LPA: variants seen among roughly 807,000 people sequenced by gnomAD.
LPA encodes apolipoprotein(a).
In LPA, 199 loss-of-function variants were observed where a neutral mutation model predicts 197.9. The ratio of observed to expected loss-of-function variants is 1.01; its 90% confidence interval spans 0.90 to 1.13. The LOEUF is 1.13. Among genes scored for constraint, LPA ranks in the 50% most tolerant of loss-of-function variants. The pLI is 0.00. For synonymous variants in LPA, 715 were observed against 639.5 expected, an observed-to-expected ratio of 1.12 and a Z score of -1.78; for missense variants, 1,853 against 1,785.8, an observed-to-expected ratio of 1.04 and a Z score of -0.68.
Position 160,540,068 on chromosome 6 carries a change from C to G in LPA, c.5710G>C (p.Asp1904His). ...CTGCTTAGCTTTAGCAAGGCAATAT[C>G]TGCTTGTGTGGGCTCCAAGAACAGC... ...SRLFLEPTQADIALLKLSRPA... is the reference protein window; with the variant it reads ...SRLFLEPTQAHIALLKLSRPA... Residue 1904 changes from aspartate (D) to histidine (H), a missense_variant, in exon 36 of 39, where the codon GAT (aspartate) becomes CAT (histidine). Asp to His is a moderately conservative substitution (Grantham distance 81). Transcript: ENST00000316300. The G allele has an allele frequency of 6.2e-7, 1 of 1,614,128 alleles. No homozygotes were observed. The highest frequency in any genetic ancestry group is 8.5e-7 in the Non-Finnish European group (1 of 1,180,018).
rs116384640 is a variant in LPA, at chr6:160,565,645, C to G, written c.4632-8074G>C. On this transcript the variant is annotated intron_variant, in intron 28 of 38. Coordinates refer to ENST00000316300, the MANE Select transcript of LPA (RefSeq NM_005577.4). ...TCCTCCGAAGGAACGCAGCTCCTCA[C>G]GAGCAACAGAACAAAGCTGGACAGA... Among the ~76,000 whole-genome samples the G allele has an allele frequency of 2.6e-5, 4 of 152,162 alleles. No individual in the cohort carries two copies. The South Asian group carries it at 6.2e-4, about 24-fold the overall frequency.
rs974170315 is a variant in LPA at position 160,547,018 on chromosome 6, G to A, written c.5304+771C>T. 1.5e-4 allele frequency among the ~76,000 whole-genome samples: 23 copies of A among 152,112 alleles called. 1 individual carries two copies. The highest frequency in any genetic ancestry group is 4.6e-4 in the African/African-American group (19 of 41,412). ...GCAGTGTGGTTCCCCAACTTTTTTG[G>A]CACCAGAGACCAGTTTCATAAAAGG... On this transcript the variant is annotated intron_variant, in intron 32 of 38. Transcript: ENST00000316300.
intron 32 of LPA, among the ~76,000 whole-genome samples, 156 bp from the exon 33 acceptor site, chr6:160,545,689 C>A (rs1778057756): frequency 6.6e-6 from 1 of 152,108 alleles, no homozygotes; most frequent in South Asian, 2.1e-4. Context: ...AAAGTTATTT[C>A]TTTCTATGCT....
chr6:160,611,141 C>T (rs1202849474), intron 16 of LPA, among the ~76,000 whole-genome samples: 2 of 152,060 alleles, frequency 1.3e-5, no homozygotes, highest in Non-Finnish European at 2.9e-5. Context: ...TTCACCTGTC[C>T]ATAAGTAAGC....
chr6:160,570,885 T>C (rs1778550440), intron 28 of LPA, among the ~76,000 whole-genome samples: 1 of 152,204 alleles, frequency 6.6e-6, no homozygotes, highest in African/African-American at 2.4e-5. Flanking sequence ...AATGTGGTAT[T>C]CTCTGTATTT....
intron 2 of LPA, among the ~76,000 whole-genome samples, chr6:160,649,555 G>T (rs539755613): frequency 1.3e-5 from 2 of 152,192 alleles, no homozygotes; most frequent in East Asian, 3.9e-4. Context: ...TCCATCTCCT[G>T]CCCTTCAGTG....
intron 2 of LPA, among the ~76,000 whole-genome samples, 164 bp downstream of exon 2, chr6:160,650,171 TTTC>T (rs1268904401): frequency 5.0e-4 from 76 of 152,208 alleles, no homozygotes; most frequent in Admixed American, 4.3e-3. Context: ...CAGCTTAACA[TTTC>T]TCTTCTATCA....
intron 20 of LPA, among the ~76,000 whole-genome samples, chr6:160,595,973 AT>A (rs1175226843): frequency 1.3e-5 from 2 of 152,158 alleles, no homozygotes; most frequent in East Asian, 3.9e-4. Flanking sequence ...TGTCTTGTAG[AT>A]TGTTTTATGC....
intron 19 of LPA, among the ~76,000 whole-genome samples, chr6:160,600,655 GC>G (rs1383394743): frequency 6.6e-6 from 1 of 152,180 alleles, no homozygotes; most frequent in Non-Finnish European, 1.5e-5. Context: ...CAATGAGATA[GC>G]CCCTTTTACA....
chr6:160,566,941 T>C (rs1017869168), intron 28 of LPA, among the ~76,000 whole-genome samples: 8 of 152,162 alleles, frequency 5.3e-5, no homozygotes, highest in Non-Finnish European at 1.2e-4. Context: ...CAAGAAGAGC[T>C]AACTATCCTA....
chr6:160,568,319 C>A (rs905980560), intron 28 of LPA, among the ~76,000 whole-genome samples: 10 of 151,790 alleles, frequency 6.6e-5, no homozygotes, highest in African/African-American at 2.4e-4. Flanking sequence ...CCCTGGGATG[C>A]AAGGCTGGTT....
rs185875037 is a variant in LPA, at chr6:160,575,663, G to T, written c.4631+1473C>A. On this transcript the variant is annotated intron_variant, in intron 28 of 38. Coordinates refer to ENST00000316300, the MANE Select transcript of LPA (RefSeq NM_005577.4). ...TCTGGGGTCTCTACTGAATGCCCAA[G>T]ATTTGCAATGAGGTCTCTTTTCTAG... 3.4e-3 allele frequency among the ~76,000 whole-genome samples: 517 copies of T among 152,224 alleles called. 2 individuals carry two copies. The highest frequency in any genetic ancestry group is 0.012 in the African/African-American group (498 of 41,554).
chr6:160,609,098 T>A (rs9457954), intron 16 of LPA, among the ~76,000 whole-genome samples: 7,477 of 152,238 alleles, frequency 0.049, 677 homozygotes, highest in African/African-American at 0.17. Flanking sequence ...TTTTTAAATA[T>A]TTGAAATAGT....
At position 160,578,676 on chromosome 6, in the gene LPA, G is replaced by A. The variant is rs1203436950; in HGVS notation, c.4318C>T (p.Pro1440Ser). ...CACCAAGGGCGAATCTCAGCATCTG[G>A]ATTCCTGCAGTAGTTCCTGGTCAGG... ...AGLTRNYCRNPDAEIRPWCYT... is the reference protein window; with the variant it reads ...AGLTRNYCRNSDAEIRPWCYT... The change falls in exon 27 of 39, where the codon CCA becomes TCA. Residue 1440 changes from proline to serine, a missense_variant. This residue lies in a region of LPA where 1,737 missense variants were observed against 1,504.4 expected (regional missense o/e 1.15). Coordinates refer to ENST00000316300, the MANE Select transcript of LPA (RefSeq NM_005577.4). 1 of 1,613,736 alleles carries A rather than the reference G, an allele frequency of 6.2e-7. No homozygotes were observed. The highest frequency in any genetic ancestry group is 8.5e-7 in the Non-Finnish European group (1 of 1,179,902).
chr6:160,558,602 G>A (rs1734727337), intron 28 of LPA, among the ~76,000 whole-genome samples: 1 of 152,266 alleles, frequency 6.6e-6, no homozygotes, highest in South Asian at 2.1e-4. Flanking sequence ...GCTAGCGGCA[G>A]CCACTCCGAA....
At chr6:160,578,937 C>T (rs995987062) in intron 26 of LPA, among the ~76,000 whole-genome samples, 3 of 152,140 alleles carry the variant, frequency 2.0e-5, no homozygotes, top group Non-Finnish European at 4.4e-5. Flanking sequence ...AGTATATGCT[C>T]TCTATGAAAA....
At chr6:160,599,362 T>C in intron 20 of LPA, 138 bp downstream of exon 20, 2 of 1,345,242 alleles carry the variant, frequency 1.5e-6, no homozygotes, top group Non-Finnish European at 1.1e-6. Context: ...AAGTCTTCTC[T>C]AAGAACTTTT....
Position 160,578,501 on chromosome 6 carries a change from T to A in LPA, c.4471+22A>T, listed in dbSNP as rs1373790876. 1.9e-6 allele frequency: 3 copies of A among 1,613,466 alleles called. No homozygotes were observed. In the East Asian group the frequency reaches 6.7e-5, roughly 36 times the overall value. On this transcript the variant is annotated intron_variant, in intron 27 of 38. Coordinates refer to ENST00000316300, the MANE Select transcript of LPA (RefSeq NM_005577.4). ...ATGGTTTTTCATCCCAGTATATAGA[T>A]GTCTAACCACAAATTTCTTACCTTG...
intron 16 of LPA, among the ~76,000 whole-genome samples, chr6:160,610,627 G>A (rs1779478362): frequency 6.6e-6 from 1 of 152,120 alleles, no homozygotes; most frequent in African/African-American, 2.4e-5. Flanking sequence ...AGACTTCTAT[G>A]CGTATTTGTA....
Sources: gnomAD v4.1 joint callset for allele counts (sites outside exome capture counted in the v4.1 genomes callset) on GRCh38, gnomAD v4.1.1 for gene constraint, gnomAD v4.1.1 regional missense constraint, MANE v1.5 for transcripts, NCBI Gene and HGNC (gene_info 2026-07-23, HGNC 2026-07-21) for gene names.